OR14A2: variants seen among roughly 807,000 people sequenced by gnomAD.
The protein encoded by OR14A2 is olfactory receptor 14A2.
For missense variants in OR14A2, 237 were observed against 152.9 expected (o/e 1.55, Z -2.90); for synonymous variants, 114 against 58.6 (o/e 1.95, Z -4.32).
the OR14A2 span, among the ~76,000 whole-genome samples, chr1:247,732,418 A>G: frequency 2.0e-5 from 3 of 152,180 alleles, no homozygotes; most frequent in African/African-American, 7.2e-5. Flanking sequence ...CTTTGGCCAC[A>G]GTCCGCCAGC....
the OR14A2 span, among the ~76,000 whole-genome samples, chr1:247,731,757 A>C: frequency 6.6e-6 from 1 of 152,126 alleles, no homozygotes; most frequent in Non-Finnish European, 1.5e-5. Flanking sequence ...GAGATTTCAC[A>C]TGTATTGAAA....
the OR14A2 span, among the ~76,000 whole-genome samples, chr1:247,730,256 C>G: frequency 6.6e-6 from 1 of 151,980 alleles, no homozygotes; most frequent in Non-Finnish European, 1.5e-5. Context: ...CTGATGACAC[C>G]AAACTCAAAT....
chr1:247,735,957 G>A, the OR14A2 span, among the ~76,000 whole-genome samples: 3 of 152,080 alleles, frequency 2.0e-5, no homozygotes, highest in African/African-American at 7.2e-5. Context: ...AAATTATTTT[G>A]AAATAAATAT....
At chr1:247,729,532 G>A in the OR14A2 span, among the ~76,000 whole-genome samples, 633 of 152,120 alleles carry the variant, frequency 4.2e-3, 2 homozygotes, top group Non-Finnish European at 6.7e-3. Flanking sequence ...AGACTTAAGA[G>A]TTTATATTAA....
At chr1:247,745,574 T>C in the OR14A2 span, among the ~76,000 whole-genome samples, 1 of 152,102 alleles carries the variant, frequency 6.6e-6, no homozygotes, top group Admixed American at 6.5e-5. Context: ...AAAAGAGTTT[T>C]AGAAAGAAGC....
the OR14A2 span, among the ~76,000 whole-genome samples, chr1:247,734,405 G>A: frequency 6.6e-6 from 1 of 152,156 alleles, no homozygotes; most frequent in African/African-American, 2.4e-5. Context: ...TACCCCATCT[G>A]TAGTATTTTG....
the OR14A2 span, chr1:247,746,420 G>C: frequency 6.6e-6 from 1 of 152,140 alleles, no homozygotes; most frequent in East Asian, 1.9e-4. Flanking sequence ...GTGTGAAATC[G>C]GTTTTTATAA....
the OR14A2 span, chr1:247,747,112 A>T: frequency 1.3e-5 from 2 of 152,230 alleles, no homozygotes; most frequent in Admixed American, 1.3e-4. Flanking sequence ...TTTAAAAAAC[A>T]TCTTCTAATA....
the OR14A2 span, among the ~76,000 whole-genome samples, chr1:247,736,955 CATT>C: frequency 1.3e-5 from 2 of 151,894 alleles, no homozygotes; most frequent in Non-Finnish European, 2.9e-5. Context: ...CAACTTAAAA[CATT>C]ATTTTATTTA....
At chr1:247,747,759 T>C in the OR14A2 span, among the ~76,000 whole-genome samples, 2 of 152,200 alleles carry the variant, frequency 1.3e-5, no homozygotes, top group African/African-American at 4.8e-5. Flanking sequence ...GTAGGACTTT[T>C]TGAATTTTCT....
At chr1:247,740,525 TA>T in the OR14A2 span, among the ~76,000 whole-genome samples, 1 of 152,208 alleles carries the variant, frequency 6.6e-6, no homozygotes, top group African/African-American at 2.4e-5. Context: ...TTCTCTTCAT[TA>T]AAACTTCTTT....
chr1:247,731,722 T>G, the OR14A2 span, among the ~76,000 whole-genome samples: 1 of 152,170 alleles, frequency 6.6e-6, no homozygotes, highest in South Asian at 2.1e-4. Context: ...TCTATTTCTT[T>G]GTGGAGAAAT....
exon 1 of OR14A2, chr1:247,723,712 A>C (rs1327390741): frequency 4.2e-6 from 3 of 718,576 alleles, no homozygotes; most frequent in East Asian, 2.7e-5. Context: ...AGTGAGGATA[A>C]ATATCTCTCC....
chr1:247,737,725 C>T, the OR14A2 span, among the ~76,000 whole-genome samples: 1 of 152,052 alleles, frequency 6.6e-6, no homozygotes, highest in Non-Finnish European at 1.5e-5. Flanking sequence ...GTTCTAAAGA[C>T]AAGATGATCT....
At chr1:247,726,814 C>G (rs1315697325), upstream of OR14A2, among the ~76,000 whole-genome samples, 5 of 113,636 alleles carry the variant, frequency 4.4e-5, no homozygotes, top group South Asian at 3.3e-4. Flanking sequence ...GCTTGTTTTT[C>G]TCAGGTTTGT....
exon 1 of OR14A2, chr1:247,723,344 T>C: frequency 1.4e-6 from 1 of 717,522 alleles, no homozygotes; most frequent in Non-Finnish European, 2.6e-6. Flanking sequence ...GAAAAAGCTT[T>C]GGACTGACCT....
the OR14A2 span, among the ~76,000 whole-genome samples, chr1:247,745,349 CCTG>C: frequency 4.6e-5 from 7 of 150,904 alleles, no homozygotes; most frequent in Admixed American, 1.3e-4. Context: ...TTAAAATACT[CCTG>C]CTGAGTGAAG....
At chr1:247,740,676 G>A in the OR14A2 span, among the ~76,000 whole-genome samples, 1 of 152,096 alleles carries the variant, frequency 6.6e-6, no homozygotes, top group South Asian at 2.1e-4. Flanking sequence ...AACATTTCAA[G>A]TACCCTAAAT....
the OR14A2 span, among the ~76,000 whole-genome samples, chr1:247,741,731 G>A: frequency 2.6e-5 from 4 of 152,148 alleles, no homozygotes; most frequent in African/African-American, 9.7e-5. Context: ...AAATTGTCTT[G>A]AATCTATTGG....
Sources: gnomAD v4.1 joint callset for allele counts (sites outside exome capture counted in the v4.1 genomes callset) on GRCh38, gnomAD v4.1.1 for gene constraint, MANE v1.5 for transcripts, NCBI Gene and HGNC (gene_info 2026-07-23, HGNC 2026-07-21) for gene names.